Variants in TBL2 observed in about 807,000 individuals in gnomAD.
TBL2 encodes the protein transducin beta-like protein 2.
A neutral mutation model predicts 41.8 loss-of-function variants in TBL2; 33 were observed. The ratio of observed to expected loss-of-function variants is 0.79; its 90% confidence interval spans 0.60 to 1.06. The LOEUF (loss-of-function observed/expected upper bound fraction) is 1.06, where lower values mean the gene tolerates loss of function less well. TBL2 is among the 50% of genes least tolerant of loss of function. The pLI, the probability that TBL2 is intolerant of heterozygous loss-of-function variation, is 0.00. For synonymous variants in TBL2, 239 were observed against 241.7 expected (o/e 0.99, Z 0.10); for missense variants, 522 against 603.8 (o/e 0.86, Z 1.42).
At position 73,570,456 on chromosome 7, in the gene TBL2, G is replaced by A; in HGVS notation, c.*51C>T. ...GGAGGAAAGATGGCAGCAGTGCCAT[G>A]AGGAGGCCAGATCCCTCCTCCTCAA... On this transcript the variant is annotated 3_prime_UTR_variant, in exon 7 of 7. Coordinates refer to ENST00000305632, the MANE Select transcript of TBL2 (RefSeq NM_012453.4). 6.9e-7 allele frequency: 1 copy of A among 1,443,932 alleles called. No homozygotes were observed. Among genetic ancestry groups the A allele is most frequent in the African/African-American group, 1.4e-5 (1 of 69,902 alleles). The allele number at this position is 1,443,932 out of a possible 1,614,324, so 89.4% of individuals were successfully genotyped here. A position where few individuals can be genotyped will look rare whatever the true frequency, so the allele number is the denominator to read the frequency against.
chr7:73,570,464 C>G lies in TBL2; in HGVS notation c.*43G>C, dbSNP rs782183438. On this transcript the variant is annotated 3_prime_UTR_variant, in exon 7 of 7. Transcript: ENST00000305632. ...GATGGCAGCAGTGCCATGAGGAGGCCAGATCCCTCCTCCTCAATCCTCTGC... is the reference window on the plus strand; with the variant it reads ...GATGGCAGCAGTGCCATGAGGAGGCGAGATCCCTCCTCCTCAATCCTCTGC... 166 of 1,451,084 alleles carry G rather than the reference C, an allele frequency of 1.1e-4. No homozygotes were observed. Among genetic ancestry groups the G allele is most frequent in the Admixed American group, 5.6e-5 (2 of 35,822 alleles). The allele number at this position is 1,451,084 out of a possible 1,614,324, so 89.9% of individuals were successfully genotyped here. A position where few individuals can be genotyped will look rare whatever the true frequency, so the allele number is the denominator to read the frequency against.
chr7:73,576,511 A>G (rs1793327274), intron 1 of TBL2: 1 of 419,572 alleles, frequency 2.4e-6, no homozygotes, highest in South Asian at 1.7e-5. Context: ...GGTTGCAGTA[A>G]GCCAAGATCG....
chr7:73,573,908 AG>A, intron 3 of TBL2, 29 bp downstream of exon 3: 1 of 1,608,362 alleles, frequency 6.2e-7, no homozygotes, highest in East Asian at 2.2e-5. Context: ...AGGCCTCTGC[AG>A]GCAAACCTGA....
At position 73,567,634 on chromosome 7, in the gene TBL2, A is replaced by AT. The variant is rs534631506; in HGVS notation, c.*2872dup. Among the ~76,000 whole-genome samples the AT allele has an allele frequency of 1.7e-3, 252 of 152,238 alleles. No homozygotes were observed. Among genetic ancestry groups the AT allele is most frequent in the African/African-American group, 5.8e-3 (241 of 41,546 alleles). On this transcript the variant is annotated 3_prime_UTR_variant, in exon 7 of 7. Transcript: ENST00000305632. ...TACAATTACTGCCTTCACATGCAGG[A>AT]TTTTTGATTAAAAAAAAGAAAAACC...
chr7:73,571,403 C>T, intron 5 of TBL2, 62 bp from the exon 6 acceptor site: 2 of 1,597,358 alleles, frequency 1.3e-6, no homozygotes, highest in African/African-American at 1.3e-5. Flanking sequence ...CCTGTAAAAC[C>T]CCTCAATCTC....
intron 1 of TBL2, among the ~76,000 whole-genome samples, chr7:73,575,817 G>A (rs1366655872): frequency 1.3e-5 from 2 of 150,970 alleles, no homozygotes; most frequent in Non-Finnish European, 3.0e-5. Flanking sequence ...GCTGAGATGG[G>A]AGGATTGCTT....
intron 1 of TBL2, among the ~76,000 whole-genome samples, chr7:73,575,234 T>A (rs1184333507): frequency 1.3e-5 from 2 of 151,900 alleles, no homozygotes; most frequent in African/African-American, 4.8e-5. Flanking sequence ...CAAGCAATTC[T>A]TGTGCCTCAG....
intron 1 of TBL2, 36 bp downstream of exon 1, chr7:73,578,384 C>T: frequency 2.6e-6 from 4 of 1,521,428 alleles, no homozygotes; most frequent in Non-Finnish European, 3.5e-6. Context: ...AGCCGGGACA[C>T]CGCGGGCCGC....
intron 1 of TBL2, chr7:73,574,795 G>A: frequency 1.9e-6 from 1 of 525,782 alleles, no homozygotes; most frequent in South Asian, 1.7e-5. Flanking sequence ...CTGAGTGACA[G>A]AGCAAGACCC....
intron 3 of TBL2, 80 bp downstream of exon 3, chr7:73,573,858 C>T: frequency 6.5e-7 from 1 of 1,545,126 alleles, no homozygotes; most frequent in East Asian, 2.3e-5. Flanking sequence ...TCCCTCCTCA[C>T]TACCTCAAAG....
chr7:73,575,134 C>CT (rs1554588694), intron 1 of TBL2, among the ~76,000 whole-genome samples: 2 of 150,418 alleles, frequency 1.3e-5, no homozygotes, highest in Non-Finnish European at 3.0e-5. Flanking sequence ...TTCTTTCTTT[C>CT]TTTTTTTTGG....
rs1451668311 is a variant in TBL2, at chr7:73,568,693, G to C, written c.*1814C>G. Among the ~76,000 whole-genome samples the C allele has an allele frequency of 6.6e-6, 1 of 152,168 alleles. No homozygotes were observed. The stretch of plus-strand genomic sequence containing the variant: ...AATCCCAGCACTTGGGGAGGCCAAG[G>C]GGGGTGGTGGATCATTTGAGGTCAG... On this transcript the variant is annotated 3_prime_UTR_variant, in exon 7 of 7. Coordinates refer to ENST00000305632, the MANE Select transcript of TBL2 (RefSeq NM_012453.4).
At position 73,569,240 on chromosome 7, in the gene TBL2, G is replaced by A. The variant is rs917878448; in HGVS notation, c.*1267C>T. The A allele has an allele frequency of 6.6e-6, 1 of 152,286 alleles. No homozygotes were observed. Among genetic ancestry groups the A allele is most frequent in the African/African-American group, 2.4e-5 (1 of 41,558 alleles). The allele number at this position is 152,286 out of a possible 1,614,324, so 9.4% of individuals were successfully genotyped here. On this transcript the variant is annotated 3_prime_UTR_variant, in exon 7 of 7. Coordinates refer to ENST00000305632, the MANE Select transcript of TBL2 (RefSeq NM_012453.4). ...AGAACGTTCTGGTGAACAGATGACAGCTGTGGTGGTGGGACAGAAGGGATA... is the reference window on the plus strand; with the variant it reads ...AGAACGTTCTGGTGAACAGATGACAACTGTGGTGGTGGGACAGAAGGGATA...
In TBL2 at chr7:73,573,357, G is replaced by A. The variant is rs1554588171; in HGVS notation, c.561C>T (p.His187=). The A allele has an allele frequency of 3.1e-6, 5 of 1,614,212 alleles. No individual in the cohort carries two copies. The highest frequency in any genetic ancestry group is 1.7e-5 in the Admixed American group (1 of 60,020). The change falls in exon 4 of 7, where the codon CAC becomes CAT. Residue 187 remains histidine, a synonymous_variant. Coordinates refer to ENST00000305632, the MANE Select transcript of TBL2 (RefSeq NM_012453.4). ...TATPEDFPKK[H]KAPVIDIGIA... ...TGCCAATGTCGATGACAGGCGCCTTGTGCTTTTTAGGGAAGTCCTCTGGGG... is the reference window on the plus strand; with the variant it reads ...TGCCAATGTCGATGACAGGCGCCTTATGCTTTTTAGGGAAGTCCTCTGGGG...
At chr7:73,576,570 A>G (rs1793331661) in intron 1 of TBL2, 1 of 455,928 alleles carries the variant, frequency 2.2e-6, no homozygotes, top group Admixed American at 2.4e-5. Flanking sequence ...AGAAGTCAAC[A>G]TCTGTTGAGT....
intron 3 of TBL2, 153 bp downstream of exon 3, chr7:73,573,785 C>A (rs1261438399): frequency 1.5e-5 from 14 of 959,540 alleles, no homozygotes; most frequent in Non-Finnish European, 2.1e-5. Flanking sequence ...CAGGGAGCCC[C>A]AGGCAGCGCG....
chr7:73,573,987 T>C lies in TBL2; in HGVS notation c.397A>G (p.Asn133Asp). The C allele has an allele frequency of 6.2e-7, 1 of 1,614,172 alleles. No homozygotes were observed. Among genetic ancestry groups the C allele is most frequent in the Non-Finnish European group, 8.5e-7 (1 of 1,180,028 alleles). ...LQREHRSMRA[N>D]VELDHATLVR... ...AGGGTGGCGTGGTCCAGCTCCACGT[T>C]GGCTCTCATGCTGCGGTGCTCTCGC... is the stretch of plus-strand genomic sequence containing the variant. Residue 133 changes from asparagine (N) to aspartate (D), a missense_variant, in exon 3 of 7, where the codon AAC (asparagine) becomes GAC (aspartate). Coordinates refer to ENST00000305632, the MANE Select transcript of TBL2 (RefSeq NM_012453.4).
At chr7:73,573,133 C>T in intron 4 of TBL2, 163 bp from the exon 5 acceptor site, 1 of 1,369,758 alleles carries the variant, frequency 7.3e-7, no homozygotes, top group Non-Finnish European at 9.9e-7. Flanking sequence ...CCCTTCCCCA[C>T]CTTCCCTAGG....
At chr7:73,576,110 T>C (rs1227906795) in intron 1 of TBL2, among the ~76,000 whole-genome samples, 1 of 150,798 alleles carries the variant, frequency 6.6e-6, no homozygotes. Context: ...CAAGCAAAAG[T>C]ACCGAACACA....
Sources: allele counts gnomAD v4.1 joint callset (sites outside exome capture counted in the v4.1 genomes callset), GRCh38; gene constraint gnomAD v4.1.1; transcripts MANE v1.5; gene names NCBI Gene and HGNC (gene_info 2026-07-23, HGNC 2026-07-21).